ADRA1B: variants seen among roughly 807,000 people sequenced by gnomAD.
ADRA1B encodes alpha-1B adrenergic receptor.
ADRA1B carries 17 observed loss-of-function variants against 17.9 expected under a neutral mutation model. The observed-to-expected ratio is 0.95, with a 90% CI of 0.65 to 1.42. ADRA1B has a LOEUF of 1.42. Among genes scored for constraint, ADRA1B ranks in the 40% most tolerant of loss-of-function variants. The pLI is 0.00. For missense variants in ADRA1B, 681 were observed against 722.1 expected (o/e 0.94, Z 0.65); for synonymous variants, 366 against 327.6 (o/e 1.12, Z -1.27).
At chr5:159,928,437 T>G (rs1754718626) in intron 1 of ADRA1B, among the ~76,000 whole-genome samples, 1 of 152,174 alleles carries the variant, frequency 6.6e-6, no homozygotes, top group Non-Finnish European at 1.5e-5. Context: ...CCCTCTCTGG[T>G]GCGAGCACAG....
At chr5:159,950,422 C>G (rs1267527769) in intron 1 of ADRA1B, 7 of 762,922 alleles carry the variant, frequency 9.2e-6, no homozygotes, top group Non-Finnish European at 1.6e-5. Context: ...CTGTGTGTGG[C>G]AGGGACTCCC....
chr5:159,881,257 GA>G (rs892501302), intron 1 of ADRA1B, among the ~76,000 whole-genome samples: 47 of 146,044 alleles, frequency 3.2e-4, no homozygotes, highest in Admixed American at 1.4e-3. Flanking sequence ...GGTAAATGTA[GA>G]AGATTACAGG....
intron 1 of ADRA1B, among the ~76,000 whole-genome samples, chr5:159,890,390 A>G (rs1561583594): frequency 6.6e-6 from 1 of 152,240 alleles, no homozygotes; most frequent in Non-Finnish European, 1.5e-5. Flanking sequence ...CTATTGCTGC[A>G]TAATAAATCA....
chr5:159,890,529 G>A (rs1458697857), intron 1 of ADRA1B, among the ~76,000 whole-genome samples: 1 of 152,214 alleles, frequency 6.6e-6, no homozygotes, highest in East Asian at 1.9e-4. Flanking sequence ...AGGCATCTCA[G>A]TAAGAAAATT....
chr5:159,890,429 A>G (rs923657818), intron 1 of ADRA1B, among the ~76,000 whole-genome samples: 9 of 152,216 alleles, frequency 5.9e-5, no homozygotes, highest in African/African-American at 2.2e-4. Context: ...TAAAACAACA[A>G]TAGTCATTTA....
chr5:159,972,534 CGT>C lies in ADRA1B; in HGVS notation c.*44_*45del. On this transcript the variant is annotated 3_prime_UTR_variant, in exon 2 of 2. Transcript: ENST00000306675. Reference sequence around the variant, plus strand: ...TTTCTTTCCCTGGGGAGGAAAACATCGTGGGGGGGAGGGGAGGGCGGGGCGGA... The same window carrying C: ...TTTCTTTCCCTGGGGAGGAAAACATCGGGGGGGAGGGGAGGGCGGGGCGGA... 4.4e-5 allele frequency: 2 copies of C among 45,746 alleles called. No individual in the cohort carries two copies. Among genetic ancestry groups the C allele is most frequent in the East Asian group, 5.5e-4 (2 of 3,606 alleles). 2.8% of individuals were successfully genotyped at this position (45,746 alleles called of 1,614,324 possible). A position where few individuals can be genotyped will look rare whatever the true frequency, so the allele number is the denominator to read the frequency against.
chr5:159,903,771 C>T (rs1411072054), intron 1 of ADRA1B, among the ~76,000 whole-genome samples: 1 of 152,142 alleles, frequency 6.6e-6, no homozygotes, highest in East Asian at 1.9e-4. Flanking sequence ...TCTTCAAATC[C>T]CATGTCTTAA....
chr5:159,879,192 T>C (rs2113084158), intron 1 of ADRA1B, among the ~76,000 whole-genome samples: 1 of 152,214 alleles, frequency 6.6e-6, no homozygotes, highest in Middle Eastern at 3.4e-3. Flanking sequence ...AGGTTTCTGT[T>C]TGTTTGGGGT....
intron 1 of ADRA1B, among the ~76,000 whole-genome samples, chr5:159,895,179 C>T (rs903346176): frequency 4.6e-5 from 7 of 152,172 alleles, no homozygotes; most frequent in African/African-American, 9.7e-5. Context: ...CAAGTGGAGC[C>T]GGCTGGAGCC....
intron 1 of ADRA1B, among the ~76,000 whole-genome samples, chr5:159,930,746 G>C (rs1224617302): frequency 6.6e-6 from 1 of 151,970 alleles, no homozygotes; most frequent in African/African-American, 2.4e-5. Flanking sequence ...GATGGAGTGA[G>C]GAGGAGTAGA....
chr5:159,932,450 G>T (rs775544552), intron 1 of ADRA1B, among the ~76,000 whole-genome samples: 3 of 152,080 alleles, frequency 2.0e-5, no homozygotes, highest in Non-Finnish European at 4.4e-5. Context: ...GAGCCACCCC[G>T]CTCAGCCTTT....
chr5:159,980,070 A>G, the ADRA1B span, among the ~76,000 whole-genome samples: 1 of 151,946 alleles, frequency 6.6e-6, no homozygotes. Flanking sequence ...GTCGTGTTTC[A>G]TGGGGTCCAC....
upstream of ADRA1B, among the ~76,000 whole-genome samples, chr5:159,912,999 G>C (rs1754243232): frequency 6.6e-6 from 1 of 152,196 alleles, no homozygotes; most frequent in South Asian, 2.1e-4. Context: ...GAAAGCTAGA[G>C]AGAGCACCAT....
At position 159,920,171 on chromosome 5, in the gene ADRA1B, T is replaced by C. The variant is rs140074120; in HGVS notation, c.949+2317T>C. 5.6e-3 allele frequency among the ~76,000 whole-genome samples: 849 copies of C among 152,284 alleles called. 9 individuals carry two copies. Among genetic ancestry groups the C allele is most frequent in the African/African-American group, 0.02 (813 of 41,566 alleles). On this transcript the variant is annotated intron_variant, in intron 1 of 1. Coordinates refer to ENST00000306675, the MANE Select transcript of ADRA1B (RefSeq NM_000679.4). ...CCACCAGGTGATTCTGAAGAGGTAG[T>C]CCACAGACCAGGCTTTGAGAATCAC...
intron 1 of ADRA1B, among the ~76,000 whole-genome samples, chr5:159,939,232 C>G (rs983871381): frequency 5.4e-5 from 8 of 148,582 alleles, no homozygotes; most frequent in African/African-American, 1.7e-4. Context: ...GCTGGATTCT[C>G]AGAGGCTCCT....
At chr5:159,959,834 A>C (rs1317198130) in intron 1 of ADRA1B, among the ~76,000 whole-genome samples, 6 of 152,062 alleles carry the variant, frequency 3.9e-5, no homozygotes, top group African/African-American at 7.2e-5. Context: ...ATTACAAAAA[A>C]ACCTAAGTAC....
At chr5:159,919,499 G>A (rs932710481) in intron 1 of ADRA1B, among the ~76,000 whole-genome samples, 2 of 152,210 alleles carry the variant, frequency 1.3e-5, no homozygotes, top group African/African-American at 4.8e-5. Flanking sequence ...ATTAATATTT[G>A]CTCCATGGAG....
At chr5:159,949,828 A>G (rs1755375827) in intron 1 of ADRA1B, among the ~76,000 whole-genome samples, 1 of 152,172 alleles carries the variant, frequency 6.6e-6, no homozygotes, top group Admixed American at 6.5e-5. Flanking sequence ...TAAGTGTTGG[A>G]TTCTCTTGCC....
At chr5:159,927,811 A>G (rs1483578172) in intron 1 of ADRA1B, among the ~76,000 whole-genome samples, 1 of 152,186 alleles carries the variant, frequency 6.6e-6, no homozygotes, top group African/African-American at 2.4e-5. Flanking sequence ...TCAGATGGGG[A>G]GGAAAGAGAA....
Sources: gnomAD v4.1 joint callset for allele counts (sites outside exome capture counted in the v4.1 genomes callset) on GRCh38, gnomAD v4.1.1 for gene constraint, MANE v1.5 for transcripts, NCBI Gene and HGNC (gene_info 2026-07-23, HGNC 2026-07-21) for gene names.